The following SLC39A5 variants were observed in gnomAD, a reference collection of about 807,000 sequenced individuals.
The protein encoded by SLC39A5 is solute carrier family 39 member 5.
SLC39A5 carries 42 observed loss-of-function variants against 46.9 expected under a neutral mutation model. The ratio of observed to expected loss-of-function variants is 0.90; its 90% CI spans 0.70 to 1.16. The LOEUF (loss-of-function observed/expected upper bound fraction) is 1.16. Among genes scored for constraint, SLC39A5 ranks in the 50% most tolerant of loss-of-function variants. The probability of loss-of-function intolerance (pLI) is 0.00; values close to 1 mark genes in which losing one functional copy is unlikely to be tolerated. For synonymous variants in SLC39A5, 311 were observed against 323.1 expected (o/e 0.96, Z 0.40); for missense variants, 677 against 686.8 (o/e 0.99, Z 0.16).
At chr12:56,236,283 C>A in intron 8 of SLC39A5, 113 bp from the exon 9 acceptor site, 1 of 924,882 alleles carries the variant, frequency 1.1e-6, no homozygotes, top group Non-Finnish European at 1.7e-6. Flanking sequence ...CAAAGAACAT[C>A]CCAGGTGCCA....
At chr12:56,232,644 A>C in intron 4 of SLC39A5, 45 bp from the exon 5 acceptor site, 1 of 1,534,728 alleles carries the variant, frequency 6.5e-7, no homozygotes, top group South Asian at 1.2e-5. Flanking sequence ...AAGCGGGTTG[A>C]TAGAGAACAC....
chr12:56,236,535 A>C, intron 9 of SLC39A5, 43 bp downstream of exon 9: 1 of 1,614,184 alleles, frequency 6.2e-7, no homozygotes, highest in Non-Finnish European at 8.5e-7. Flanking sequence ...CCAAGCTCAC[A>C]GTCCTTACTT....
At chr12:56,237,370 C>A (rs747048259) in intron 12 of SLC39A5, 30 bp downstream of exon 12, 2 of 1,560,616 alleles carry the variant, frequency 1.3e-6, no homozygotes, top group Admixed American at 1.8e-5. Context: ...GCAGAGAAAT[C>A]AAGGGCAGTG....
chr12:56,237,059 C>T (rs376349643), intron 11 of SLC39A5, 48 bp downstream of exon 11: 23 of 1,612,918 alleles, frequency 1.4e-5, no homozygotes, highest in East Asian at 2.2e-5. Flanking sequence ...AAGGAGATAG[C>T]TCCAAGGGGT....
intron 9 of SLC39A5, 42 bp from the exon 10 acceptor site, chr12:56,236,540 T>C (rs747929520): frequency 6.8e-6 from 11 of 1,614,156 alleles, no homozygotes; most frequent in Non-Finnish European, 8.5e-6. Flanking sequence ...CTCACAGTCC[T>C]TACTTGCAGC....
intron 3 of SLC39A5, 161 bp from the exon 4 acceptor site, chr12:56,231,043 C>G (rs889071729): frequency 3.9e-6 from 2 of 509,160 alleles, no homozygotes; most frequent in East Asian, 6.4e-5. Context: ...AACCAGCAAA[C>G]AAGAGGCTGC....
chr12:56,235,478 C>T (rs540260723), intron 7 of SLC39A5, 82 bp from the exon 8 acceptor site: 107 of 1,545,164 alleles, frequency 6.9e-5, no homozygotes, highest in Middle Eastern at 5.5e-4. Context: ...AGCATATGAG[C>T]GAAGGCTTGC....
chr12:56,237,088 G>T (rs1054109565), intron 11 of SLC39A5, 62 bp from the exon 12 acceptor site: 8 of 1,612,428 alleles, frequency 5.0e-6, no homozygotes, highest in Non-Finnish European at 6.8e-6. Flanking sequence ...GAGGCTGGTG[G>T]GTGGCATGGA....
intron 4 of SLC39A5, 42 bp downstream of exon 4, chr12:56,231,603 G>C (rs201611011): frequency 6.7e-7 from 1 of 1,499,582 alleles, no homozygotes; most frequent in East Asian, 2.4e-5. Flanking sequence ...ACATCTCCCA[G>C]GTCCTCTCAG....
In SLC39A5 at chr12:56,232,759, C is replaced by T; in HGVS notation, c.358C>T (p.Leu120=). 6.2e-7 allele frequency: 1 copy of T among 1,612,446 alleles called. No individual in the cohort carries two copies. Among genetic ancestry groups the T allele is most frequent in the Non-Finnish European group, 8.5e-7 (1 of 1,179,402 alleles). Residue 120 remains leucine, a synonymous_variant, in exon 5 of 13, where the codon CTG becomes TTG. Coordinates refer to ENST00000454355, the MANE Select transcript of SLC39A5 (RefSeq NM_173596.3). The part of the protein sequence containing the change: ...MPLGPSGWGD[L]EESKAPHLPR... ...TCTGGGTCCCTCAGGGTGGGGTGAC[C>T]TGGAAGAGTCAAAGGCCCCTCACCT...
chr12:56,237,584 TCAGCTAC>T lies in SLC39A5; in HGVS notation c.1481_1487del (p.Leu494ProfsTer31). The T allele has an allele frequency of 6.2e-7, 1 of 1,613,830 alleles. No individual in the cohort carries two copies. Among genetic ancestry groups the T allele is most frequent in the South Asian group, 1.1e-5 (1 of 91,080 alleles). Reference sequence around the variant, plus strand: ...AGAATCCTGACATCCTCTTTTTCTTTCAGCTACCAGCCCTGCTTCGTCCTCCGGAGCC... The same window carrying T: ...AGAATCCTGACATCCTCTTTTTCTTTCAGCCCTGCTTCGTCCTCCGGAGCC... On this transcript the variant is annotated splice_acceptor_variant and splice_polypyrimidine_tract_variant and coding_sequence_variant and intron_variant, in exon 13 of 13. Coordinates refer to ENST00000454355, the MANE Select transcript of SLC39A5 (RefSeq NM_173596.3). LOFTEE classifies it high-confidence loss of function.
intron 5 of SLC39A5, among the ~76,000 whole-genome samples, chr12:56,234,416 G>T (rs964680481): frequency 6.6e-6 from 1 of 151,452 alleles, no homozygotes; most frequent in Non-Finnish European, 1.5e-5. Flanking sequence ...CTGGGTTCAA[G>T]CGATTCTCCT....
chr12:56,231,437 G>A lies in SLC39A5; in HGVS notation c.163G>A (p.Ala55Thr). 1.2e-6 allele frequency: 2 copies of A among 1,614,106 alleles called. No individual in the cohort carries two copies. The highest frequency in any genetic ancestry group is 1.7e-5 in the Admixed American group (1 of 59,998). ...GLYGENGTLT[A>T]GGLARLLHSL... Reference sequence around the variant, plus strand: ...GTACGGCGAGAATGGGACGCTGACTGCAGGGGGCTTGGCGCGGCTTCTCCA... The same window carrying A: ...GTACGGCGAGAATGGGACGCTGACTACAGGGGGCTTGGCGCGGCTTCTCCA... Residue 55 changes from alanine to threonine, a missense_variant, in exon 4 of 13, where the codon GCA becomes ACA. Physicochemically the swap from Ala to Thr is moderately conservative, Grantham distance 58 (BLOSUM62 0). Coordinates refer to ENST00000454355, the MANE Select transcript of SLC39A5 (RefSeq NM_173596.3).
chr12:56,236,392 T>C lies in SLC39A5; in HGVS notation c.946-4T>C, dbSNP rs1299708360. 6.2e-7 allele frequency: 1 copy of C among 1,614,104 alleles called. No individual in the cohort carries two copies. The highest frequency in any genetic ancestry group is 8.5e-7 in the Non-Finnish European group (1 of 1,179,982). Reference sequence around the variant, plus strand: ...CCACCAGGAGGGATGCCCTCCTATTTCAGAGATGCTGCAGGCGAAAACGAA... The same window carrying C: ...CCACCAGGAGGGATGCCCTCCTATTCCAGAGATGCTGCAGGCGAAAACGAA... On this transcript the variant is annotated splice_region_variant and splice_polypyrimidine_tract_variant and intron_variant, in intron 8 of 12. Transcript: ENST00000454355.
chr12:56,230,731 A>T (rs1193597468), intron 2 of SLC39A5, 100 bp from the exon 3 acceptor site: 1 of 152,710 alleles, frequency 6.5e-6, no homozygotes, highest in Non-Finnish European at 1.5e-5. Flanking sequence ...CAGGTGGGCT[A>T]GGAGGGGGTG....
rs755314570 is a variant in SLC39A5 at position 56,231,416 on chromosome 12, G to A, written c.142G>A (p.Gly48Ser). 17 of 1,614,022 alleles carry A rather than the reference G, an allele frequency of 1.1e-5. No homozygotes were observed. Among genetic ancestry groups the A allele is most frequent in the South Asian group, 3.3e-5 (3 of 91,094 alleles). Residue 48 changes from glycine (G) to serine (S), a missense_variant, in exon 4 of 13, where the codon GGC becomes AGC. Coordinates refer to ENST00000454355, the MANE Select transcript of SLC39A5 (RefSeq NM_173596.3). ...CCTGGCCCAGCTGTTTGGCCTGTACGGCGAGAATGGGACGCTGACTGCAGG... is the reference window on the plus strand; with the variant it reads ...CCTGGCCCAGCTGTTTGGCCTGTACAGCGAGAATGGGACGCTGACTGCAGG... Reference protein sequence around the residue: ...HYLAQLFGLYGENGTLTAGGL... With the variant: ...HYLAQLFGLYSENGTLTAGGL...
At position 56,230,262 on chromosome 12, in the gene SLC39A5, G is replaced by C. The variant is rs1399577440; in HGVS notation, c.-148G>C. 5 of 152,570 alleles carry C rather than the reference G, an allele frequency of 3.3e-5. No individual in the cohort carries two copies. Among genetic ancestry groups the C allele is most frequent in the Non-Finnish European group, 5.9e-5 (4 of 68,122 alleles). The allele number at this position is 152,570 out of a possible 1,614,324, so 9.5% of individuals were successfully genotyped here. A position where few individuals can be genotyped will look rare whatever the true frequency, so the allele number is the denominator to read the frequency against. Reference sequence around the variant, plus strand: ...CAGGGCTTCCCCTTTCTTGGTCATCGATCCCTAGAGCTCTGGCTCTTTCTC... The same window carrying C: ...CAGGGCTTCCCCTTTCTTGGTCATCCATCCCTAGAGCTCTGGCTCTTTCTC... On this transcript the variant is annotated 5_prime_UTR_variant, in exon 2 of 13. Transcript: ENST00000454355.
chr12:56,235,464 G>A, intron 7 of SLC39A5, 96 bp from the exon 8 acceptor site: 3 of 1,527,712 alleles, frequency 2.0e-6, no homozygotes, highest in Non-Finnish European at 2.6e-6. Flanking sequence ...CTGCCTTCTA[G>A]TAGAGCATAT....
Position 56,232,863 on chromosome 12 carries a change from G to C in SLC39A5, c.462G>C (p.Leu154=). ...LLLDHSLADH[L]NEDCLNGSQL... ...TGGACCACTCATTGGCTGACCACCT[G>C]AATGAGGATGTGAGTCTGACGGTCT... The change falls in exon 5 of 13, where the codon CTG becomes CTC. Residue 154 remains leucine, a synonymous_variant. Coordinates refer to ENST00000454355, the MANE Select transcript of SLC39A5 (RefSeq NM_173596.3). 3 of 1,610,964 alleles carry C rather than the reference G, an allele frequency of 1.9e-6. No individual in the cohort carries two copies. The highest frequency in any genetic ancestry group is 2.5e-6 in the Non-Finnish European group (3 of 1,178,748).
Sources: allele counts gnomAD v4.1 joint callset (sites outside exome capture counted in the v4.1 genomes callset), GRCh38; gene constraint gnomAD v4.1.1; transcripts MANE v1.5; gene names NCBI Gene and HGNC (gene_info 2026-07-23, HGNC 2026-07-21).